The following CEP112 variants were observed in gnomAD, a reference collection of about 807,000 sequenced individuals.
CEP112 encodes centrosomal protein 112.
Under a neutral mutation model 153.0 loss-of-function variants are expected in CEP112, and 127 were observed. That is an observed-to-expected ratio of 0.83 (90% confidence interval 0.72 to 0.96). The LOEUF (loss-of-function observed/expected upper bound fraction) is 0.96. Ranked by LOEUF, CEP112 falls within the 40% of genes least tolerant of loss-of-function variation. The pLI, the probability that CEP112 is intolerant of heterozygous loss-of-function variation, is 0.00. For missense variants in CEP112, 1,089 were observed against 1,101.2 expected (o/e 0.99, Z 0.16); for synonymous variants, 358 against 374.4 (o/e 0.96, Z 0.51).
chr17:65,817,538 T>C (rs1024008724), intron 21 of CEP112, among the ~76,000 whole-genome samples: 5 of 151,892 alleles, frequency 3.3e-5, no homozygotes, highest in African/African-American at 9.7e-5. Flanking sequence ...CCTCCAAAAA[T>C]TGTCTTTCAA....
chr17:65,963,408 A>G (rs2062286749), intron 17 of CEP112, among the ~76,000 whole-genome samples: 1 of 152,134 alleles, frequency 6.6e-6, no homozygotes, highest in South Asian at 2.1e-4. Flanking sequence ...TTTCCAGGTT[A>G]CTCATCTGAG....
At chr17:65,732,451 A>G (rs1246106087) in intron 23 of CEP112, among the ~76,000 whole-genome samples, 1 of 152,216 alleles carries the variant, frequency 6.6e-6, no homozygotes, top group African/African-American at 2.4e-5. Context: ...TGGAATGGTT[A>G]ATGAGCCCTG....
intron 11 of CEP112, among the ~76,000 whole-genome samples, chr17:66,060,754 C>T (rs1161022538): frequency 7.9e-5 from 12 of 151,892 alleles, no homozygotes; most frequent in African/African-American, 2.7e-4. Context: ...CAAAAATCGA[C>T]GCAAAATGAA....
chr17:65,815,199 T>C (rs1170020204), intron 21 of CEP112, among the ~76,000 whole-genome samples: 2 of 152,142 alleles, frequency 1.3e-5, no homozygotes, highest in Non-Finnish European at 2.9e-5. Flanking sequence ...GTAACTTTTG[T>C]GTAACTGTGA....
intron 6 of CEP112, among the ~76,000 whole-genome samples, chr17:66,118,056 G>C (rs1191749304): frequency 6.6e-6 from 1 of 152,140 alleles, no homozygotes; most frequent in Non-Finnish European, 1.5e-5. Flanking sequence ...CTAGACACTG[G>C]TGGTGGGAAT....
intron 23 of CEP112, among the ~76,000 whole-genome samples, chr17:65,708,518 C>A (rs1441513846): frequency 6.6e-6 from 1 of 152,154 alleles, no homozygotes; most frequent in Non-Finnish European, 1.5e-5. Flanking sequence ...ATGAAACTGG[C>A]ACGTTGGCTC....
chr17:65,914,174 AC>A (rs2060387878), intron 19 of CEP112, among the ~76,000 whole-genome samples: 1 of 151,668 alleles, frequency 6.6e-6, no homozygotes, highest in Non-Finnish European at 1.5e-5. Context: ...TTAGAAAAAA[AC>A]ATGTCTTAAC....
chr17:66,148,755 AAATCCTTAGGGTTTTCTACATAT>A (rs1266988296), intron 4 of CEP112, among the ~76,000 whole-genome samples: 1 of 152,174 alleles, frequency 6.6e-6, no homozygotes, highest in Non-Finnish European at 1.5e-5. Flanking sequence ...AGCTTTTGTG[AAATCCTTAGGGTTTTCTACATAT>A]AAGATCATGT....
chr17:66,074,573 G>GA (rs2067416634), intron 8 of CEP112, among the ~76,000 whole-genome samples: 1 of 151,890 alleles, frequency 6.6e-6, no homozygotes. Context: ...AAAACAAAAA[G>GA]AAAAATCTTG....
intron 17 of CEP112, among the ~76,000 whole-genome samples, chr17:65,989,231 T>C (rs7216574): frequency 0.61 from 83,610 of 138,022 alleles, 25,917 homozygotes; most frequent in African/African-American, 0.74. Context: ...TGAGACTCCA[T>C]CTCAAAAAAA....
intron 21 of CEP112, among the ~76,000 whole-genome samples, chr17:65,838,506 T>C (rs1007544662): frequency 3.3e-5 from 5 of 151,920 alleles, no homozygotes; most frequent in African/African-American, 1.2e-4. Context: ...GAAAATCAGT[T>C]CAAAGAGGGA....
chr17:65,812,925 C>G (rs368753012), intron 21 of CEP112, among the ~76,000 whole-genome samples: 1 of 151,986 alleles, frequency 6.6e-6, no homozygotes, highest in Non-Finnish European at 1.5e-5. Flanking sequence ...AAAACAAAAG[C>G]AAACATTGCT....
At chr17:65,890,848 C>T (rs11079595) in intron 20 of CEP112, among the ~76,000 whole-genome samples, 2,536 of 152,204 alleles carry the variant, frequency 0.017, 80 homozygotes, top group African/African-American at 0.057. Context: ...AATGTGCGAG[C>T]GAGGGGAGCT....
chr17:65,984,769 G>T (rs4791106), intron 17 of CEP112, among the ~76,000 whole-genome samples: 151,739 of 152,328 alleles, frequency 1, 75,577 homozygotes, highest in Middle Eastern at 1. Flanking sequence ...CATTTGTATA[G>T]CATTGCTGTA....
Position 65,851,838 on chromosome 17 carries a change from G to A in CEP112, c.2360C>T (p.Thr787Ile), listed in dbSNP as rs778615857. 2 of 1,613,938 alleles carry A rather than the reference G, an allele frequency of 1.2e-6. No individual in the cohort carries two copies. Among genetic ancestry groups the A allele is most frequent in the South Asian group, 1.1e-5 (1 of 91,048 alleles). ...TGTCATCTCTGTCTCAGCAGCATGA[G>A]TCTTTTTCAGCTCTATTTTCATCTT... The part of the protein sequence containing the change: ...SEKMKIELKK[T>I]HAAETEMTLE... Residue 787 changes from threonine (T) to isoleucine (I), a missense_variant, in exon 21 of 27, where the codon ACT becomes ATT. Thr to Ile is a moderately conservative substitution (Grantham distance 89, BLOSUM62 -1). Transcript: ENST00000535342.
chr17:65,885,974 T>C (rs1555695891), intron 20 of CEP112, among the ~76,000 whole-genome samples: 1 of 152,190 alleles, frequency 6.6e-6, no homozygotes, highest in Non-Finnish European at 1.5e-5. Context: ...TGAACCTATA[T>C]ATATGAATTG....
chr17:65,906,267 G>C (rs917607159), intron 19 of CEP112, among the ~76,000 whole-genome samples: 4 of 151,774 alleles, frequency 2.6e-5, no homozygotes, highest in East Asian at 3.9e-4. Flanking sequence ...GGGCCTGTCG[G>C]GGGGGTAGGG....
intron 20 of CEP112, 146 bp downstream of exon 20, chr17:65,902,006 G>GGAAAAAAAAAAAAAAA: frequency 1.2e-5 from 3 of 243,086 alleles, no homozygotes; most frequent in African/African-American, 5.9e-5. Context: ...GGGTGGGGGG[G>GGAAAAAAAAAAAAAAA]AGAAAAACAA....
chr17:65,882,290 C>T (rs2059107904), intron 20 of CEP112, among the ~76,000 whole-genome samples: 1 of 152,176 alleles, frequency 6.6e-6, no homozygotes, highest in Non-Finnish European at 1.5e-5. Flanking sequence ...ATGTATGCTT[C>T]TTTGCCTTTT....
Sources: allele counts gnomAD v4.1 joint callset (sites outside exome capture counted in the v4.1 genomes callset), GRCh38; gene constraint gnomAD v4.1.1; transcripts MANE v1.5; gene names NCBI Gene and HGNC (gene_info 2026-07-23, HGNC 2026-07-21).